Variants in CDH4 observed in about 807,000 individuals in gnomAD.
CDH4 encodes cadherin-4.
CDH4 carries 33 observed loss-of-function variants against 86.0 expected under a neutral mutation model. The observed-to-expected ratio is 0.38, with a 90% confidence interval of 0.29 to 0.51. The LOEUF (loss-of-function observed/expected upper bound fraction) is 0.51, where lower values mean the gene tolerates loss of function less well. CDH4 is among the 20% of genes least tolerant of loss of function. CDH4 has a pLI of 0.86. For synonymous variants in CDH4, 555 were observed against 549.4 expected (o/e 1.01, Z -0.14); for missense variants, 1,114 against 1,307.4 (o/e 0.85, Z 2.28).
At chr20:61,624,982 C>T (rs1461793493) in intron 2 of CDH4, among the ~76,000 whole-genome samples, 1 of 152,156 alleles carries the variant, frequency 6.6e-6, no homozygotes. Context: ...TGAGCTGAAC[C>T]CAGTTAATTA....
intron 9 of CDH4, among the ~76,000 whole-genome samples, chr20:61,916,283 G>T (rs1328281849): frequency 1.2e-4 from 18 of 152,134 alleles, no homozygotes; most frequent in Admixed American, 1.1e-3. Flanking sequence ...TATCTTGAGG[G>T]CATCTGTTCT....
chr20:61,691,370 T>C (rs1269360656), intron 2 of CDH4, among the ~76,000 whole-genome samples: 1 of 151,882 alleles, frequency 6.6e-6, no homozygotes, highest in African/African-American at 2.4e-5. Context: ...TGCATGTGCA[T>C]ATGTGTGTGT....
intron 2 of CDH4, among the ~76,000 whole-genome samples, chr20:61,412,272 C>T (rs760963826): frequency 2.6e-5 from 4 of 152,214 alleles, no homozygotes; most frequent in Non-Finnish European, 4.4e-5. Context: ...ATGGCTGGAG[C>T]TGGCTCTCAT....
chr20:61,279,228 C>T (rs570820856), intron 2 of CDH4, among the ~76,000 whole-genome samples: 9 of 152,294 alleles, frequency 5.9e-5, no homozygotes, highest in East Asian at 5.8e-4. Context: ...AGGGACACGG[C>T]GAGGCACTCA....
At chr20:61,576,770 T>C (rs2086385353) in intron 2 of CDH4, among the ~76,000 whole-genome samples, 1 of 152,172 alleles carries the variant, frequency 6.6e-6, no homozygotes, top group African/African-American at 2.4e-5. Flanking sequence ...GTCAGGCGAA[T>C]GAAGTAAGAG....
chr20:61,602,843 G>A (rs1268167498), intron 2 of CDH4, among the ~76,000 whole-genome samples: 2 of 152,136 alleles, frequency 1.3e-5, no homozygotes, highest in African/African-American at 2.4e-5. Context: ...TGGGGTACAC[G>A]CCCGCAGGGC....
chr20:61,526,168 C>T (rs942407114), intron 2 of CDH4, among the ~76,000 whole-genome samples: 3 of 151,258 alleles, frequency 2.0e-5, no homozygotes, highest in South Asian at 2.1e-4. Context: ...CTGCTGGTGC[C>T]CCTCCCCCTC....
intron 9 of CDH4, among the ~76,000 whole-genome samples, chr20:61,916,574 G>A (rs995145217): frequency 8.5e-5 from 13 of 152,174 alleles, no homozygotes; most frequent in African/African-American, 2.4e-4. Context: ...CTGCTGTCCC[G>A]AGCTGGGGAG....
Position 61,253,877 on chromosome 20 carries a change from G to A in CDH4, c.58-949G>A, listed in dbSNP as rs576792522. On this transcript the variant is annotated intron_variant, in intron 1 of 15. Coordinates refer to ENST00000614565, the MANE Select transcript of CDH4 (RefSeq NM_001794.5). ...GGCGGGAGGCGCCACTGCCCGGTGCGGGCTGCACCCGAGGCTTCCTGCGCT... is the reference window on the plus strand; with the variant it reads ...GGCGGGAGGCGCCACTGCCCGGTGCAGGCTGCACCCGAGGCTTCCTGCGCT... Among the ~76,000 whole-genome samples, 14 of 152,288 alleles carry A rather than the reference G, an allele frequency of 9.2e-5. No homozygotes were observed. The South Asian group carries it at 2.9e-3, about 32-fold the overall frequency.
At chr20:61,816,971 A>T (rs573392118) in intron 4 of CDH4, among the ~76,000 whole-genome samples, 15 of 152,360 alleles carry the variant, frequency 9.8e-5, no homozygotes, top group African/African-American at 3.6e-4. Flanking sequence ...AAAAGGTGCC[A>T]GAGAACACCA....
At chr20:61,420,200 C>T (rs1280573330) in intron 2 of CDH4, among the ~76,000 whole-genome samples, 4 of 152,238 alleles carry the variant, frequency 2.6e-5, no homozygotes, top group Admixed American at 2.0e-4. Flanking sequence ...TCCTCTGCCC[C>T]GAGAGCAAGC....
chr20:61,728,736 C>G (rs1011524063), intron 2 of CDH4, among the ~76,000 whole-genome samples: 2 of 152,176 alleles, frequency 1.3e-5, no homozygotes, highest in Admixed American at 1.3e-4. Context: ...AGTGAAGATT[C>G]AGGAAACACT....
At chr20:61,503,616 A>G (rs897456340) in intron 2 of CDH4, among the ~76,000 whole-genome samples, 1 of 152,250 alleles carries the variant, frequency 6.6e-6, no homozygotes, top group Non-Finnish European at 1.5e-5. Flanking sequence ...TCATAAGGAC[A>G]TAGGTCATAC....
chr20:61,814,704 C>T (rs1980624874), intron 4 of CDH4, among the ~76,000 whole-genome samples: 1 of 152,230 alleles, frequency 6.6e-6, no homozygotes, highest in African/African-American at 2.4e-5. Flanking sequence ...CGTCATGCTT[C>T]TCCACAGGGG....
intron 2 of CDH4, among the ~76,000 whole-genome samples, chr20:61,688,300 C>T (rs2087611232): frequency 6.6e-6 from 1 of 151,870 alleles, no homozygotes; most frequent in Non-Finnish European, 1.5e-5. Context: ...CTTTGTCTTT[C>T]TCCCTCCTCC....
chr20:61,762,040 C>T (rs1484506774), intron 3 of CDH4, among the ~76,000 whole-genome samples: 1 of 152,258 alleles, frequency 6.6e-6, no homozygotes, highest in African/African-American at 2.4e-5. Context: ...CTCAAGGCCA[C>T]CCCAGGGCCC....
At position 61,788,600 on chromosome 20, in the gene CDH4, G is replaced by A. The variant is rs942929522; in HGVS notation, c.576+15418G>A. 9.2e-5 allele frequency among the ~76,000 whole-genome samples: 14 copies of A among 152,208 alleles called. No individual in the cohort carries two copies. The South Asian group carries it at 1.0e-3, about 11-fold the overall frequency. ...ATCAGCCCTCCTGGGCTCCCAGCCC[G>A]GCAGTGTTTTCCTGCTGACAGCAGT... On this transcript the variant is annotated intron_variant, in intron 4 of 15. Transcript: ENST00000614565.
Position 61,665,180 on chromosome 20 carries a change from A to T in CDH4, c.170-78383A>T, listed in dbSNP as rs142259122. Among the ~76,000 whole-genome samples the T allele has an allele frequency of 8.0e-3, 1,220 of 152,140 alleles. 9 individuals carry two copies. Among genetic ancestry groups the T allele is most frequent in the Non-Finnish European group, 0.011 (763 of 67,976 alleles). Reference sequence around the variant, plus strand: ...AAGGGCCCGTGTCTGTTGAGCTGATAGTGGCGTCTTGGTCACACATCACAG... The same window carrying T: ...AAGGGCCCGTGTCTGTTGAGCTGATTGTGGCGTCTTGGTCACACATCACAG... On this transcript the variant is annotated intron_variant, in intron 2 of 15. Coordinates refer to ENST00000614565, the MANE Select transcript of CDH4 (RefSeq NM_001794.5).
Position 61,688,019 on chromosome 20 carries a change from C to T in CDH4, c.170-55544C>T, listed in dbSNP as rs975320369. On this transcript the variant is annotated intron_variant, in intron 2 of 15. Transcript: ENST00000614565. ...CATAATAAGTCGTAAGTGCAGGAGT[C>T]TCGGGTACAGATGAGCAACCCTAGG... Among the ~76,000 whole-genome samples the T allele has an allele frequency of 6.0e-4, 91 of 152,190 alleles. 1 individual carries two copies. Among genetic ancestry groups the T allele is most frequent in the Admixed American group, 5.9e-3 (90 of 15,288 alleles).
Sources: allele counts gnomAD v4.1 joint callset (sites outside exome capture counted in the v4.1 genomes callset), GRCh38; gene constraint gnomAD v4.1.1; transcripts MANE v1.5; gene names NCBI Gene and HGNC (gene_info 2026-07-23, HGNC 2026-07-21).